The following ATRNL1 variants were observed in gnomAD, a reference collection of about 807,000 sequenced individuals.
ATRNL1 encodes attractin-like protein 1.
In ATRNL1, 95 loss-of-function variants were observed where a neutral mutation model predicts 182.7. The observed-to-expected ratio is 0.52, with a 90% CI of 0.44 to 0.62. The LOEUF (loss-of-function observed/expected upper bound fraction) is 0.62, where lower values mean the gene tolerates loss of function less well. Among genes scored for constraint, ATRNL1 ranks in the 20% least tolerant of loss-of-function variants. The probability of loss-of-function intolerance (pLI) is 0.00; values close to 1 mark genes in which losing one functional copy is unlikely to be tolerated. For missense variants in ATRNL1, 1,471 were observed against 1,679.5 expected (o/e 0.88, Z 2.17); for synonymous variants, 576 against 568.3 (o/e 1.01, Z -0.19).
chr10:115,207,776 C>T (rs1278034656), intron 8 of ATRNL1, among the ~76,000 whole-genome samples: 1 of 151,918 alleles, frequency 6.6e-6, no homozygotes, highest in Non-Finnish European at 1.5e-5. Context: ...CTTTGTTCTT[C>T]TGCTTTTTTG....
chr10:115,378,155 G>A lies in ATRNL1; in HGVS notation c.3176-16504G>A, dbSNP rs1035606997. Among the ~76,000 whole-genome samples the A allele has an allele frequency of 3.9e-5, 6 of 152,280 alleles. No individual in the cohort carries two copies. In the South Asian group the frequency reaches 1.0e-3, roughly 26 times the overall value. ...TATCTGTCTCTGGGATATCATACGTGTGTGTTTACTAGCACGTTCTTTGGT... is the reference window on the plus strand; with the variant it reads ...TATCTGTCTCTGGGATATCATACGTATGTGTTTACTAGCACGTTCTTTGGT... On this transcript the variant is annotated intron_variant, in intron 19 of 28. Coordinates refer to ENST00000355044, the MANE Select transcript of ATRNL1 (RefSeq NM_207303.4).
At chr10:115,610,866 C>A (rs1857119497) in intron 26 of ATRNL1, among the ~76,000 whole-genome samples, 1 of 151,996 alleles carries the variant, frequency 6.6e-6, no homozygotes, top group Non-Finnish European at 1.5e-5. Flanking sequence ...ACTTAAGGAA[C>A]CTTCAAAATG....
intron 8 of ATRNL1, among the ~76,000 whole-genome samples, chr10:115,197,365 C>A (rs2144275210): frequency 6.6e-6 from 1 of 152,000 alleles, no homozygotes; most frequent in South Asian, 2.1e-4. Flanking sequence ...GTTTTGTAAT[C>A]TGGCTAATGT....
intron 25 of ATRNL1, among the ~76,000 whole-genome samples, chr10:115,536,010 C>G (rs1466003457): frequency 1.3e-5 from 2 of 151,132 alleles, no homozygotes; most frequent in African/African-American, 2.4e-5. Flanking sequence ...ACGTGTCAGT[C>G]TGCCCCTACT....
chr10:115,664,794 G>C (rs1483123100), intron 26 of ATRNL1, among the ~76,000 whole-genome samples: 1 of 151,542 alleles, frequency 6.6e-6, no homozygotes, highest in Admixed American at 6.6e-5. Flanking sequence ...ATCATTTTTA[G>C]GTATTTCTTT....
chr10:115,903,700 T>A (rs1024525431), intron 28 of ATRNL1, among the ~76,000 whole-genome samples: 1 of 152,170 alleles, frequency 6.6e-6, no homozygotes, highest in Non-Finnish European at 1.5e-5. Context: ...CTCGTCAGAA[T>A]TTCCTAAAGA....
chr10:115,742,906 G>C (rs1948179222), intron 27 of ATRNL1, among the ~76,000 whole-genome samples: 2 of 152,170 alleles, frequency 1.3e-5, no homozygotes, highest in African/African-American at 4.8e-5. Context: ...ACAAAGGAAA[G>C]AGGTTTAATT....
intron 26 of ATRNL1, among the ~76,000 whole-genome samples, chr10:115,655,157 G>A (rs1860254388): frequency 6.6e-6 from 1 of 152,138 alleles, no homozygotes; most frequent in African/African-American, 2.4e-5. Flanking sequence ...CACAACATGA[G>A]TCAGAGATGA....
Position 115,190,102 on chromosome 10 carries a change from T to C in ATRNL1, c.1348+18810T>C, listed in dbSNP as rs183937583. Among the ~76,000 whole-genome samples, 87 of 152,230 alleles carry C rather than the reference T, an allele frequency of 5.7e-4. 1 individual carries two copies. Among genetic ancestry groups the C allele is most frequent in the African/African-American group, 2.0e-3 (83 of 41,550 alleles). On this transcript the variant is annotated intron_variant, in intron 8 of 28. Coordinates refer to ENST00000355044, the MANE Select transcript of ATRNL1 (RefSeq NM_207303.4). ...ATGTAGTAGGCTATACCATTTAGGT[T>C]TGTAGAAGTATACTCTATGATGTTC... is the stretch of plus-strand genomic sequence containing the variant.
intron 9 of ATRNL1, among the ~76,000 whole-genome samples, chr10:115,240,732 C>T (rs1290316963): frequency 2.6e-5 from 4 of 151,908 alleles, no homozygotes; most frequent in Non-Finnish European, 5.9e-5. Flanking sequence ...TTTATATTGT[C>T]ATGCACCTTT....
chr10:115,943,119 C>T (rs569057386), intron 28 of ATRNL1, among the ~76,000 whole-genome samples: 7 of 152,300 alleles, frequency 4.6e-5, no homozygotes, highest in Non-Finnish European at 7.4e-5. Flanking sequence ...GTACTTAAGA[C>T]GCTTGTCAGC....
chr10:115,797,497 C>A (rs1949682461), intron 27 of ATRNL1, among the ~76,000 whole-genome samples: 1 of 152,048 alleles, frequency 6.6e-6, no homozygotes, highest in Admixed American at 6.5e-5. Context: ...AACTGCAAGG[C>A]TTCTTCTGCC....
At chr10:115,480,958 A>G (rs1263319330) in intron 24 of ATRNL1, among the ~76,000 whole-genome samples, 4 of 150,992 alleles carry the variant, frequency 2.6e-5, no homozygotes, top group African/African-American at 7.3e-5. Flanking sequence ...AACATTTTCA[A>G]CTTTTCCAGT....
intron 18 of ATRNL1, among the ~76,000 whole-genome samples, chr10:115,331,077 T>C (rs1389690136): frequency 7.3e-6 from 1 of 137,036 alleles, no homozygotes; most frequent in South Asian, 2.3e-4. Context: ...TTTTTTTTTT[T>C]GAGACGGAGT....
chr10:115,302,120 A>G, intron 17 of ATRNL1, 77 bp downstream of exon 17: 2 of 1,306,734 alleles, frequency 1.5e-6, no homozygotes, highest in Non-Finnish European at 2.1e-6. Flanking sequence ...GAAGAATTAA[A>G]TATTTGAAGA....
chr10:115,097,510 G>T (rs1554863450), intron 1 of ATRNL1, among the ~76,000 whole-genome samples: 2 of 151,952 alleles, frequency 1.3e-5, no homozygotes, highest in Non-Finnish European at 2.9e-5. Flanking sequence ...CATATATGAA[G>T]CATTCTATTT....
rs139251351 is a variant in ATRNL1 at position 115,522,878 on chromosome 10, C to T, written c.3716+3554C>T. ...AAAATCCAAAATATAGCGGGGAAGA[C>T]ATTAAATCTTAAAGCTCCAAAATTA... is the stretch of plus-strand genomic sequence containing the variant. On this transcript the variant is annotated intron_variant, in intron 25 of 28. Coordinates refer to ENST00000355044, the MANE Select transcript of ATRNL1 (RefSeq NM_207303.4). 4.4e-3 allele frequency among the ~76,000 whole-genome samples: 668 copies of T among 152,306 alleles called. 5 individuals carry two copies. Among genetic ancestry groups the T allele is most frequent in the Admixed American group, 5.3e-3 (81 of 15,296 alleles).
intron 27 of ATRNL1, among the ~76,000 whole-genome samples, chr10:115,760,639 C>T (rs2960722): frequency 0.19 from 28,679 of 151,874 alleles, 2,779 homozygotes; most frequent in Non-Finnish European, 0.2. Context: ...TACACACACA[C>T]GTATATAAAA....
chr10:115,559,636 C>T (rs1853571411), intron 26 of ATRNL1, among the ~76,000 whole-genome samples: 1 of 152,136 alleles, frequency 6.6e-6, no homozygotes, highest in South Asian at 2.1e-4. Flanking sequence ...ATAAAAGGAG[C>T]TTGGATGCAA....
Sources: gnomAD v4.1 joint callset for allele counts (sites outside exome capture counted in the v4.1 genomes callset) on GRCh38, gnomAD v4.1.1 for gene constraint, MANE v1.5 for transcripts, NCBI Gene and HGNC (gene_info 2026-07-23, HGNC 2026-07-21) for gene names.